Variants in CENPU observed in about 807,000 individuals in gnomAD.
The protein encoded by CENPU is centromere protein U, also known as KSHV latent nuclear antigen interacting protein 1.
CENPU carries 46 observed loss-of-function variants against 56.7 expected under a neutral mutation model. The ratio of observed to expected loss-of-function variants is 0.81; its 90% CI spans 0.64 to 1.04. The LOEUF (loss-of-function observed/expected upper bound fraction) is 1.04. CENPU is among the 50% of genes least tolerant of loss of function. The probability of loss-of-function intolerance (pLI) is 0.00; values close to 1 mark genes in which losing one functional copy is unlikely to be tolerated. For missense variants in CENPU, 510 were observed against 490.1 expected, an observed-to-expected ratio of 1.04 and a Z score of -0.38; for synonymous variants, 166 against 163.0, an observed-to-expected ratio of 1.02 and a Z score of -0.14.
chr4:184,733,443 G>A, intron 1 of CENPU: 2 of 986,968 alleles, frequency 2.0e-6, no homozygotes, highest in Non-Finnish European at 2.4e-6. Flanking sequence ...ATTCGCCAAC[G>A]AATCAGCGAC....
At chr4:184,728,752 G>A (rs917164765) in intron 3 of CENPU, among the ~76,000 whole-genome samples, 166 bp downstream of exon 3, 16 of 152,088 alleles carry the variant, frequency 1.1e-4, no homozygotes, top group African/African-American at 2.9e-4. Flanking sequence ...CAATGTACCC[G>A]TAAGTGAGGA....
At chr4:184,714,288 A>G (rs909888817) in intron 6 of CENPU, among the ~76,000 whole-genome samples, 1 of 152,234 alleles carries the variant, frequency 6.6e-6, no homozygotes, top group African/African-American at 2.4e-5. Context: ...GGCTGATGGA[A>G]AAAGATAACA....
At chr4:184,732,229 C>T (rs1255132887) in intron 1 of CENPU, among the ~76,000 whole-genome samples, 1 of 147,348 alleles carries the variant, frequency 6.8e-6, no homozygotes, top group East Asian at 2.0e-4. Context: ...TGTAAAACAT[C>T]ATTACTGTGA....
At chr4:184,724,674 T>C (rs550810791) in intron 4 of CENPU, among the ~76,000 whole-genome samples, 26 of 152,358 alleles carry the variant, frequency 1.7e-4, no homozygotes, top group African/African-American at 6.0e-4. Flanking sequence ...CATTCTATGC[T>C]TGTAAAATCT....
At position 184,695,309 on chromosome 4, in the gene CENPU, C is replaced by T; in HGVS notation, c.1236G>A (p.Glu412=). 3 of 1,613,190 alleles carry T rather than the reference C, an allele frequency of 1.9e-6. No individual in the cohort carries two copies. Among genetic ancestry groups the T allele is most frequent in the South Asian group, 2.2e-5 (2 of 91,080 alleles). ...CTTCTCATCCCTGGTCAAGGAGCTT[C>T]TCTAACTGATGGTTGATATTTCGCA... ...SHLRNINHQL[E]KLLDQG The change falls in exon 13 of 13, where the codon GAG becomes GAA. Residue 412 remains glutamate, a synonymous_variant. Transcript: ENST00000281453.
chr4:184,705,770 C>A (rs1398980150), intron 8 of CENPU, among the ~76,000 whole-genome samples: 1 of 152,158 alleles, frequency 6.6e-6, no homozygotes, highest in Non-Finnish European at 1.5e-5. Context: ...ATACACAATA[C>A]ACAGCCTTAA....
chr4:184,694,492 ACT>A lies in CENPU; in HGVS notation c.*794_*795del. 5 of 1,597,086 alleles carry A rather than the reference ACT, an allele frequency of 3.1e-6. No homozygotes were observed. The highest frequency in any genetic ancestry group is 2.2e-5 in the East Asian group (1 of 44,512). Reference sequence around the variant, plus strand: ...TCCTGAGTAAATATTTTCCTATCCCACTCTCTATCCCTTCACCACTGAAATAA... The same window carrying A: ...TCCTGAGTAAATATTTTCCTATCCCACTCTATCCCTTCACCACTGAAATAA... On this transcript the variant is annotated 3_prime_UTR_variant, in exon 13 of 13. Coordinates refer to ENST00000281453, the MANE Select transcript of CENPU (RefSeq NM_024629.4).
chr4:184,726,619 T>C (rs1028641473), intron 3 of CENPU, among the ~76,000 whole-genome samples: 10 of 152,298 alleles, frequency 6.6e-5, no homozygotes, highest in Middle Eastern at 3.4e-3. Context: ...CAATTCCATT[T>C]CTGGGTAAAT....
chr4:184,722,652 C>T (rs1761319174), intron 4 of CENPU, among the ~76,000 whole-genome samples: 1 of 150,436 alleles, frequency 6.6e-6, no homozygotes, highest in African/African-American at 2.4e-5. Context: ...AAAAAACCAC[C>T]ACCATTAGGT....
intron 6 of CENPU, among the ~76,000 whole-genome samples, chr4:184,715,156 A>G (rs1167741298): frequency 6.6e-6 from 1 of 152,240 alleles, no homozygotes; most frequent in Non-Finnish European, 1.5e-5. Flanking sequence ...TAGCAGGTGG[A>G]AAGGTGAAGA....
At chr4:184,712,923 G>C (rs1760971589) in intron 7 of CENPU, 21 bp downstream of exon 7, 1 of 1,497,800 alleles carries the variant, frequency 6.7e-7, no homozygotes, top group Admixed American at 1.9e-5. Context: ...GAGTGACAAA[G>C]TATAAAACAT....
intron 4 of CENPU, among the ~76,000 whole-genome samples, chr4:184,719,530 G>A (rs7682995): frequency 0.18 from 27,105 of 152,146 alleles, 2,714 homozygotes; most frequent in African/African-American, 0.26. Flanking sequence ...GCCACTATGG[G>A]CTAAAGTGCT....
rs375812772 is a variant in CENPU, at chr4:184,729,244, T to C, written c.97-209A>G. On this transcript the variant is annotated intron_variant, in intron 2 of 12. Coordinates refer to ENST00000281453, the MANE Select transcript of CENPU (RefSeq NM_024629.4). Reference sequence around the variant, plus strand: ...AATCAGACCCCACAAATGTGTACAATTACAATGTTTCAGTTAAAATAAAAA... The same window carrying C: ...AATCAGACCCCACAAATGTGTACAACTACAATGTTTCAGTTAAAATAAAAA... 9.8e-4 allele frequency among the ~76,000 whole-genome samples: 149 copies of C among 152,306 alleles called. 1 individual carries two copies. Among genetic ancestry groups the C allele is most frequent in the African/African-American group, 3.5e-3 (145 of 41,550 alleles).
At chr4:184,733,536 C>T (rs1761732047) in intron 1 of CENPU, 3 of 417,866 alleles carry the variant, frequency 7.2e-6, no homozygotes, top group Non-Finnish European at 9.8e-6. Flanking sequence ...TCCTGGAGAA[C>T]CGCAAGCGGC....
In CENPU at chr4:184,725,053, AAAG is replaced by A; in HGVS notation, c.221_223del (p.Pro74del). On this transcript the variant is annotated inframe_deletion, in exon 4 of 13. Transcript: ENST00000281453. ...ATCAGCATATATAGCTGTGCTATGT[AAAG>A]GAGGATCTTTCAAAAGACAAAAAAG... 1 of 1,603,458 alleles carries A rather than the reference AAAG, an allele frequency of 6.2e-7. No individual in the cohort carries two copies. Among genetic ancestry groups the A allele is most frequent in the Non-Finnish European group, 8.5e-7 (1 of 1,174,754 alleles).
intron 3 of CENPU, among the ~76,000 whole-genome samples, chr4:184,728,380 A>G (rs1199611642): frequency 1.3e-5 from 2 of 152,218 alleles, no homozygotes; most frequent in Non-Finnish European, 2.9e-5. Context: ...GTGGGGACAC[A>G]TGGCATTTTC....
intron 1 of CENPU, among the ~76,000 whole-genome samples, chr4:184,733,064 C>T (rs890833225): frequency 6.6e-6 from 1 of 151,658 alleles, no homozygotes; most frequent in African/African-American, 2.4e-5. Context: ...TTTCATGAGT[C>T]TCAAACCCAA....
Position 184,697,729 on chromosome 4 carries a change from G to A in CENPU, c.1061C>T (p.Ala354Val). 6.2e-7 allele frequency: 1 copy of A among 1,611,932 alleles called. No homozygotes were observed. Among genetic ancestry groups the A allele is most frequent in the Non-Finnish European group, 8.5e-7 (1 of 1,178,398 alleles). Residue 354 changes from alanine (A) to valine (V), a missense_variant, in exon 12 of 13, where the codon GCA (alanine) becomes GTA (valine). Physicochemically the swap from Ala to Val is moderately conservative, Grantham distance 64 (BLOSUM62 0). Transcript: ENST00000281453. ...LKERKSSLRN[A>V]AYFLSNLKQL... The stretch of plus-strand genomic sequence containing the variant: ...TTTTAAATTAGATAAGAAATATGCT[G>A]CATTCCTAAGGGAAGACTTTCTCTC...
At chr4:184,696,699 T>TG (rs34666488) in intron 12 of CENPU, among the ~76,000 whole-genome samples, 1 of 102,170 alleles carries the variant, frequency 9.8e-6, no homozygotes, top group Non-Finnish European at 2.1e-5. Context: ...TATATATATA[T>TG]TATATAAAAT....
Sources: allele counts gnomAD v4.1 joint callset (sites outside exome capture counted in the v4.1 genomes callset), GRCh38; gene constraint gnomAD v4.1.1; transcripts MANE v1.5; gene names NCBI Gene and HGNC (gene_info 2026-07-23, HGNC 2026-07-21).